The following FMR1NB variants were observed in gnomAD, a reference collection of about 807,000 sequenced individuals.
FMR1NB encodes FMR1 neighbor protein.
FMR1NB carries 10 observed loss-of-function variants against 16.8 expected under a neutral mutation model. That is an observed-to-expected ratio of 0.60 (90% CI 0.37 to 1.01). The LOEUF is 1.01. Among genes scored for constraint, FMR1NB ranks in the 50% least tolerant of loss-of-function variants. The pLI is 0.01. For synonymous variants in FMR1NB, 83 were observed against 79.1 expected (o/e 1.05, Z -0.26); for missense variants, 205 against 204.8 (o/e 1.00, Z 0.00).
intron 1 of FMR1NB, among the ~76,000 whole-genome samples, chrX:147,993,820 G>T (rs782164566): frequency 9.1e-6 from 1 of 110,060 alleles, no homozygotes; most frequent in South Asian, 4.0e-4. Context: ...CCACCCAAAG[G>T]TACTTTCCAC....
intron 4 of FMR1NB, among the ~76,000 whole-genome samples, chrX:148,015,839 A>G (rs1346471823): frequency 2.7e-5 from 3 of 112,212 alleles, no homozygotes; most frequent in Non-Finnish European, 5.6e-5. Context: ...TACAGTGCAG[A>G]TTAAGTCTGA....
chrX:148,009,880 G>A (rs2044615072), intron 4 of FMR1NB, among the ~76,000 whole-genome samples: 2 of 111,821 alleles, frequency 1.8e-5, no homozygotes, highest in South Asian at 7.4e-4. Flanking sequence ...CAGTAGGAGT[G>A]GAATTTTTGG....
intron 1 of FMR1NB, among the ~76,000 whole-genome samples, chrX:147,999,577 G>A (rs868915807): frequency 9.1e-6 from 1 of 110,071 alleles, no homozygotes; most frequent in Non-Finnish European, 1.9e-5. Flanking sequence ...AGAGAGACTG[G>A]CTCCCATTTA....
At chrX:147,988,462 T>C (rs1239637703) in intron 1 of FMR1NB, among the ~76,000 whole-genome samples, 4 of 111,280 alleles carry the variant, frequency 3.6e-5, no homozygotes, top group Non-Finnish European at 7.5e-5. Context: ...ATTTCAACCT[T>C]GGTGAGTCTG....
intron 4 of FMR1NB, among the ~76,000 whole-genome samples, chrX:148,018,940 A>G (rs1368768119): frequency 1.8e-5 from 2 of 111,786 alleles, no homozygotes. Context: ...CAAAGGGCTA[A>G]TATCCAGAAT....
intron 4 of FMR1NB, among the ~76,000 whole-genome samples, chrX:148,011,338 G>A (rs1209771179): frequency 9.0e-6 from 1 of 111,235 alleles, no homozygotes; most frequent in Non-Finnish European, 1.9e-5. Flanking sequence ...AGCAGTGTAG[G>A]TGAAAAGGGT....
intron 1 of FMR1NB, among the ~76,000 whole-genome samples, chrX:148,001,926 T>C (rs1471445826): frequency 9.0e-6 from 1 of 110,762 alleles, no homozygotes; most frequent in African/African-American, 3.3e-5. Context: ...ATGGATTTAA[T>C]AAAGGGCCTT....
At chrX:147,999,189 A>G (rs1447147569) in intron 1 of FMR1NB, among the ~76,000 whole-genome samples, 1 of 111,765 alleles carries the variant, frequency 8.9e-6, no homozygotes, top group African/African-American at 3.3e-5. Context: ...TGGGGGATCA[A>G]TATTCTAGAG....
intron 1 of FMR1NB, among the ~76,000 whole-genome samples, chrX:147,992,141 G>A (rs929463570): frequency 9.0e-5 from 10 of 110,521 alleles, no homozygotes; most frequent in Non-Finnish European, 1.3e-4. Flanking sequence ...AGCTGCCATT[G>A]TCATCCCGTC....
chrX:148,024,762 A>G (rs2044694951), intron 4 of FMR1NB, 103 bp from the exon 5 acceptor site: 1 of 968,124 alleles, frequency 1.0e-6, no homozygotes. Context: ...ATCAGGTGGG[A>G]AAGTATAGTT....
rs148831657 is a variant in FMR1NB at position 148,001,372 on chromosome X, T to A, written c.278-1829T>A. Reference sequence around the variant, plus strand: ...AAGTGAACATAATTACCATAAAATTTAGAATTTTTTTTGACTTGACAAAAC... The same window carrying A: ...AAGTGAACATAATTACCATAAAATTAAGAATTTTTTTTGACTTGACAAAAC... On this transcript the variant is annotated intron_variant, in intron 1 of 5. Coordinates refer to ENST00000370467, the MANE Select transcript of FMR1NB (RefSeq NM_152578.3). Among the ~76,000 whole-genome samples, 556 of 112,163 alleles carry A rather than the reference T, an allele frequency of 5.0e-3. 2 individuals carry two copies. The highest frequency in any genetic ancestry group is 8.4e-3 in the Non-Finnish European group (446 of 53,289).
chrX:147,981,348 A>G lies in FMR1NB; in HGVS notation c.-55A>G. The G allele has an allele frequency of 8.6e-7, 1 of 1,167,977 alleles. No homozygotes were observed. Among genetic ancestry groups the G allele is most frequent in the African/African-American group, 1.8e-5 (1 of 54,489 alleles). ...TGCCCCGGAAGCTTCTGGGCCACGG[A>G]CTGCCGGACCGTTGGGCTGTGAGGC... On this transcript the variant is annotated 5_prime_UTR_variant, in exon 1 of 6. Coordinates refer to ENST00000370467, the MANE Select transcript of FMR1NB (RefSeq NM_152578.3).
chrX:147,998,466 C>A (rs1557188377), intron 1 of FMR1NB, among the ~76,000 whole-genome samples: 1 of 111,120 alleles, frequency 9.0e-6, no homozygotes, highest in Non-Finnish European at 1.9e-5. Flanking sequence ...GGGTGGGGGG[C>A]TAGAGGAGGG....
At chrX:148,008,341 C>T (rs1449019138) in intron 3 of FMR1NB, 1 of 283,570 alleles carries the variant, frequency 3.5e-6, no homozygotes, top group Non-Finnish European at 6.2e-6. Flanking sequence ...ATATCGTATG[C>T]ATCATAGTAA....
intron 5 of FMR1NB, 91 bp downstream of exon 5, chrX:148,025,104 AT>A (rs781949829): frequency 1.4e-4 from 138 of 990,392 alleles, no homozygotes; most frequent in Admixed American, 2.0e-4. Flanking sequence ...TGACTGACAC[AT>A]TTTTTTTAAC....
chrX:148,010,683 A>G (rs1343597863), intron 4 of FMR1NB, among the ~76,000 whole-genome samples: 1 of 111,832 alleles, frequency 8.9e-6, no homozygotes, highest in Non-Finnish European at 1.9e-5. Context: ...AAGAAGCCAA[A>G]CACAATTGTT....
rs1603082464 is a variant in FMR1NB, at chrX:148,008,793, A to G, written c.632+82A>G. 4 of 845,290 alleles carry G rather than the reference A, an allele frequency of 4.7e-6. No individual in the cohort carries two copies. The East Asian group carries it at 1.3e-4, about 27-fold the overall frequency. 69.7% of individuals were successfully genotyped at this position (845,290 alleles called of 1,213,427 possible). The stretch of plus-strand genomic sequence containing the variant: ...ATAGACATATTTATTAATACACTTC[A>G]GAAATACAGGGATTATGTTTGGGTT... On this transcript the variant is annotated intron_variant, in intron 4 of 5. Transcript: ENST00000370467.
chrX:148,005,841 A>G (rs1212983359), intron 2 of FMR1NB, among the ~76,000 whole-genome samples: 4 of 112,247 alleles, frequency 3.6e-5, no homozygotes, highest in Non-Finnish European at 7.5e-5. Context: ...TAAAACAATT[A>G]CGTTGTTCTT....
At chrX:147,982,205 G>A (rs1557186616) in intron 1 of FMR1NB, among the ~76,000 whole-genome samples, 2 of 110,462 alleles carry the variant, frequency 1.8e-5, no homozygotes, top group African/African-American at 6.6e-5. Context: ...CAGGAGAATC[G>A]CTTGAATTCG....
Sources: gnomAD v4.1 joint callset for allele counts (sites outside exome capture counted in the v4.1 genomes callset) on GRCh38, gnomAD v4.1.1 for gene constraint, MANE v1.5 for transcripts, NCBI Gene and HGNC (gene_info 2026-07-23, HGNC 2026-07-21) for gene names.